The following TENM2 variants were observed in gnomAD, a reference collection of about 807,000 sequenced individuals.
TENM2 encodes the protein teneurin transmembrane protein 2, also known as teneurin-2.
Under a neutral mutation model 245.2 loss-of-function variants are expected in TENM2, and 52 were observed. That is an observed-to-expected ratio of 0.21 (90% CI 0.17 to 0.27). The LOEUF (loss-of-function observed/expected upper bound fraction) is 0.27. TENM2 is among the 10% of genes least tolerant of loss of function. The pLI is 1.00. For missense variants in TENM2, 3,046 were observed against 3,666.8 expected (o/e 0.83, Z 4.37); for synonymous variants, 1,363 against 1,438.9 (o/e 0.95, Z 1.19).
intron 2 of TENM2, among the ~76,000 whole-genome samples, chr5:167,419,102 C>G (rs910942855): frequency 1.3e-4 from 19 of 143,376 alleles, no homozygotes; most frequent in African/African-American, 4.8e-4. Flanking sequence ...TGTATATACA[C>G]ACACACATGA....
Position 168,247,033 on chromosome 5 carries a change from G to A in TENM2, c.6094G>A (p.Val2032Ile), listed in dbSNP as rs764287869. The stretch of plus-strand genomic sequence containing the variant: ...GAAACTCTCCAAGTTATCAGAGATT[G>A]TCTACGACAGTACCGCCGTCACCTT... The change falls in exon 27 of 29, where the codon GTC becomes ATC. Residue 2032 changes from valine to isoleucine, a missense_variant. By Grantham distance (29) the Val-to-Ile change is conservative. Coordinates refer to ENST00000518659, the Ensembl canonical transcript of TENM2. This position sits in a 1 kb window ranked among gnomAD's most constrained non-coding sequence, Gnocchi z 7.8. 23 of 1,614,008 alleles carry A rather than the reference G, an allele frequency of 1.4e-5. No homozygotes were observed. In the South Asian group the frequency reaches 2.5e-4, roughly 18 times the overall value.
chr5:168,083,894 T>C (rs550412224), intron 7 of TENM2, among the ~76,000 whole-genome samples: 1 of 152,128 alleles, frequency 6.6e-6, no homozygotes, highest in East Asian at 1.9e-4. Flanking sequence ...AAAATCCCAG[T>C]AGTTTTTTAA....
At chr5:167,084,282 C>T in the TENM2 span, among the ~76,000 whole-genome samples, 1 of 124,246 alleles carries the variant, frequency 8.0e-6, no homozygotes, top group Non-Finnish European at 1.6e-5. Context: ...GCTCTGAAGA[C>T]CTATAAGCTC....
intron 3 of TENM2, among the ~76,000 whole-genome samples, chr5:167,889,520 C>G (rs1346609525): frequency 1.3e-5 from 2 of 152,128 alleles, no homozygotes; most frequent in African/African-American, 4.8e-5. Flanking sequence ...TTTGCATCTC[C>G]CTGGGGAGCC....
At position 167,315,601 on chromosome 5, in the gene TENM2, G is replaced by C. The variant is rs116550921; in HGVS notation, c.226+30538G>C. 2.4e-3 allele frequency among the ~76,000 whole-genome samples: 366 copies of C among 152,192 alleles called. 2 individuals carry two copies. Among genetic ancestry groups the C allele is most frequent in the African/African-American group, 8.5e-3 (354 of 41,534 alleles). ...AAAGTGTTTAGAAACATGTTATAGA[G>C]TCAATAACAGGTATAGTGAGGATGA... On this transcript the variant is annotated intron_variant, in intron 1 of 28. Transcript: ENST00000518659.
chr5:168,262,860 T>G (rs79433380), exon 29 of TENM2: 1 of 1,495,488 alleles, frequency 6.7e-7, no homozygotes, highest in Non-Finnish European at 9.0e-7. Context: ...CAGGAGTAAC[T>G]GTTATCTCCT....
chr5:167,344,282 GCACACA>G lies in TENM2; in HGVS notation c.227-30893_227-30888del, dbSNP rs3067278. 9.9e-3 allele frequency among the ~76,000 whole-genome samples: 1,337 copies of G among 134,504 alleles called. 45 individuals are homozygous for G. In the East Asian group the frequency reaches 0.14, roughly 14 times the overall value. 88.2% of individuals were successfully genotyped at this position (134,504 alleles called of 152,430 possible). A position where few individuals can be genotyped will look rare whatever the true frequency, so the allele number is the denominator to read the frequency against. ...AATACACAAACACATGCACGTGCAC[GCACACA>G]CACACACACACACACACACACATAT... On this transcript the variant is annotated intron_variant, in intron 1 of 28. Coordinates refer to ENST00000518659, the Ensembl canonical transcript of TENM2.
intron 1 of TENM2, among the ~76,000 whole-genome samples, chr5:167,356,211 A>G (rs796560005): frequency 7.6e-6 from 1 of 131,320 alleles, no homozygotes; most frequent in African/African-American, 2.7e-5. Context: ...AAAAAAAAAA[A>G]AAAAAAAAAA....
the TENM2 span, among the ~76,000 whole-genome samples, chr5:167,036,960 C>T: frequency 1.3e-5 from 2 of 152,120 alleles, no homozygotes; most frequent in South Asian, 2.1e-4. Context: ...TGGCCTAGAT[C>T]GTTAGTGAAG....
At chr5:167,766,757 T>C (rs1763052369) in intron 2 of TENM2, among the ~76,000 whole-genome samples, 2 of 152,048 alleles carry the variant, frequency 1.3e-5, no homozygotes, top group African/African-American at 4.8e-5. Context: ...TGCATTCCTG[T>C]AATTCCAGCT....
chr5:167,898,756 A>T (rs1368818257), intron 3 of TENM2, among the ~76,000 whole-genome samples: 1 of 152,214 alleles, frequency 6.6e-6, no homozygotes, highest in Non-Finnish European at 1.5e-5. Context: ...GTAGAGAGCC[A>T]TAGGCTGGAT....
At chr5:167,990,715 A>G (rs1783602364) in intron 4 of TENM2, among the ~76,000 whole-genome samples, 1 of 152,226 alleles carries the variant, frequency 6.6e-6, no homozygotes, top group Non-Finnish European at 1.5e-5. Context: ...TTATGGAATC[A>G]AACTTCTAGG....
chr5:167,511,081 A>G (rs1769923787), intron 2 of TENM2, among the ~76,000 whole-genome samples: 1 of 152,206 alleles, frequency 6.6e-6, no homozygotes, highest in South Asian at 2.1e-4. Flanking sequence ...TCCCACATGT[A>G]TTACATACCT....
At chr5:167,958,027 C>T (rs1780696878) in intron 4 of TENM2, among the ~76,000 whole-genome samples, 1 of 152,100 alleles carries the variant, frequency 6.6e-6, no homozygotes, top group African/African-American at 2.4e-5. Context: ...CCTGAATATC[C>T]TTCTTAATTT....
At chr5:167,194,590 T>C in the TENM2 span, among the ~76,000 whole-genome samples, 1 of 151,874 alleles carries the variant, frequency 6.6e-6, no homozygotes, top group South Asian at 2.1e-4. Flanking sequence ...TGAAATTAGG[T>C]TTTGAGTCAG....
At chr5:167,669,960 T>A (rs1311052623) in intron 2 of TENM2, among the ~76,000 whole-genome samples, 1 of 152,098 alleles carries the variant, frequency 6.6e-6, no homozygotes, top group South Asian at 2.1e-4. Context: ...TGATTCTGAG[T>A]ATAGCTGCTA....
At chr5:167,673,787 A>G (rs1247521520) in intron 2 of TENM2, among the ~76,000 whole-genome samples, 1 of 151,856 alleles carries the variant, frequency 6.6e-6, no homozygotes, top group Non-Finnish European at 1.5e-5. Flanking sequence ...AGAACAATTC[A>G]TATTATATAC....
At chr5:167,350,680 T>TATATATATGGGATACATATATGG (rs1350770623) in intron 1 of TENM2, among the ~76,000 whole-genome samples, 8 of 26,954 alleles carry the variant, frequency 3.0e-4, no homozygotes, top group East Asian at 1.1e-3. Flanking sequence ...CATATATGGA[T>TATATATATGGGATACATATATGG]ATATATATAT....
intron 2 of TENM2, among the ~76,000 whole-genome samples, chr5:167,420,517 C>T (rs149952106): frequency 3.0e-4 from 46 of 152,266 alleles, no homozygotes; most frequent in African/African-American, 9.9e-4. Context: ...TCCAGCCATG[C>T]GGTCTTTGAA....
Sources: allele counts gnomAD v4.1 joint callset (sites outside exome capture counted in the v4.1 genomes callset), GRCh38; gene constraint gnomAD v4.1.1; non-coding constraint Gnocchi (gnomAD v3.1); transcripts MANE v1.5; gene names NCBI Gene and HGNC (gene_info 2026-07-23, HGNC 2026-07-21).